SLC9A6: variants seen among roughly 807,000 people sequenced by gnomAD.
SLC9A6 encodes the protein solute carrier family 9 member A6, also known as sodium/hydrogen exchanger 6.
SLC9A6 carries 6 observed loss-of-function variants against 45.3 expected under a neutral mutation model. The observed-to-expected ratio is 0.13, with a 90% CI of 0.07 to 0.26. The LOEUF is 0.26. Ranked by LOEUF, SLC9A6 falls within the 10% of genes least tolerant of loss-of-function variation. The pLI is 1.00. For missense variants in SLC9A6, 278 were observed against 503.7 expected (o/e 0.55, Z 4.29); for synonymous variants, 191 against 187.7 (o/e 1.02, Z -0.14).
intron 10 of SLC9A6, among the ~76,000 whole-genome samples, chrX:136,014,696 C>T (rs916852182): frequency 1.8e-5 from 2 of 112,750 alleles, no homozygotes; most frequent in Admixed American, 9.3e-5. Context: ...ACCCGGAAGG[C>T]GGAGGTTGCA....
chrX:135,996,316 C>T (rs1460933238), intron 3 of SLC9A6, among the ~76,000 whole-genome samples: 1 of 110,933 alleles, frequency 9.0e-6, no homozygotes. Context: ...ACAGGCAGGA[C>T]TTGATTTTTA....
At chrX:135,975,016 T>C in intron 1 of SLC9A6, 1 of 201,757 alleles carries the variant, frequency 5.0e-6, no homozygotes. Context: ...CTTCTCCCCT[T>C]GACCTCATCA....
chrX:136,003,400 T>C (rs1016457736), intron 7 of SLC9A6, among the ~76,000 whole-genome samples: 8 of 112,774 alleles, frequency 7.1e-5, no homozygotes, highest in Admixed American at 1.9e-4. Context: ...TTTTTAAAGT[T>C]ACATACTGTC....
rs782633932 is a variant in SLC9A6, at chrX:136,012,927, T to G, written c.886-22T>G. 5.1e-5 allele frequency: 56 copies of G among 1,095,888 alleles called. No homozygotes were observed. The South Asian group carries it at 9.7e-4, about 19-fold the overall frequency. 90.3% of individuals were successfully genotyped at this position (1,095,888 alleles called of 1,213,427 possible). A position where few individuals can be genotyped will look rare whatever the true frequency, so the allele number is the denominator to read the frequency against. On this transcript the variant is annotated intron_variant, in intron 8 of 17. Transcript: ENST00000630721. The stretch of plus-strand genomic sequence containing the variant: ...CACACTTTTGTGTTACAAGATCTCA[T>G]TACTAGCCTTAACAGTCTTACGTGA...
intron 10 of SLC9A6, 80 bp downstream of exon 10, chrX:136,013,517 A>G (rs1556618928): frequency 1.5e-6 from 1 of 675,170 alleles, no homozygotes; most frequent in Non-Finnish European, 2.3e-6. Context: ...AAAAAAAAAA[A>G]TAGTCTTTGA....
intron 10 of SLC9A6, among the ~76,000 whole-genome samples, chrX:136,014,456 G>A (rs2070980933): frequency 8.9e-6 from 1 of 112,462 alleles, no homozygotes; most frequent in Non-Finnish European, 1.9e-5. Flanking sequence ...TTTCCAGGTC[G>A]TGGGAAGGGA....
At chrX:136,031,521 G>A (rs1218667685) in intron 15 of SLC9A6, among the ~76,000 whole-genome samples, 2 of 112,420 alleles carry the variant, frequency 1.8e-5, no homozygotes, top group Non-Finnish European at 3.8e-5. Flanking sequence ...CCAACATGGT[G>A]AAACCCTGTC....
chrX:136,002,343 G>C, intron 7 of SLC9A6, 130 bp downstream of exon 7: 1 of 512,010 alleles, frequency 2.0e-6, no homozygotes. Context: ...TTTCCCTCTT[G>C]AAGAAATCCA....
chrX:136,024,544 C>G, intron 13 of SLC9A6, 61 bp downstream of exon 13: 2 of 1,040,666 alleles, frequency 1.9e-6, no homozygotes, highest in Non-Finnish European at 2.7e-6. Context: ...ATTTTTCTGC[C>G]TGTTTTCAAT....
upstream of SLC9A6, among the ~76,000 whole-genome samples, chrX:135,980,313 A>G (rs1466537808): frequency 1.8e-5 from 2 of 109,920 alleles, no homozygotes; most frequent in African/African-American, 6.6e-5. Flanking sequence ...TCCCAGGTTC[A>G]AGTGATTCTC....
Position 136,013,383 on chromosome X carries a change from A to G in SLC9A6, c.1026A>G (p.Gln342=), listed in dbSNP as rs1556618901. The G allele has an allele frequency of 3.3e-6, 4 of 1,206,166 alleles. No homozygotes were observed. The South Asian group carries it at 5.3e-5, about 16-fold the overall frequency. The part of the protein sequence containing the change: ...VVAVLFCGIT[Q]AHYTYNNLST... ...CAGTATTGTTTTGTGGCATCACACA[A>G]GCACATTATACGTATAATAATTTGT... is the stretch of plus-strand genomic sequence containing the variant. Residue 342 remains glutamine, a synonymous_variant, in exon 10 of 18, where the codon CAA becomes CAG. Transcript: ENST00000630721.
intron 2 of SLC9A6, among the ~76,000 whole-genome samples, chrX:135,987,521 G>A (rs868934083): frequency 1.8e-5 from 2 of 110,850 alleles, no homozygotes; most frequent in South Asian, 7.5e-4. Context: ...GTATGATGTG[G>A]TAATTAAAGG....
upstream of SLC9A6, among the ~76,000 whole-genome samples, chrX:135,980,265 G>A (rs782312201): frequency 2.3e-3 from 250 of 108,753 alleles, no homozygotes; most frequent in African/African-American, 8.2e-3. Flanking sequence ...TCAGGCTGCA[G>A]TGCAGTGGTG....
At position 136,030,153 on chromosome X, in the gene SLC9A6, A is replaced by G. The variant is rs1556620943; in HGVS notation, c.1572A>G (p.Gln524=). Residue 524 remains glutamine (Q), a synonymous_variant, in exon 15 of 18, where the codon CAA becomes CAG. Coordinates refer to ENST00000630721, the MANE Select transcript of SLC9A6 (RefSeq NM_001379110.1). The stretch of plus-strand genomic sequence containing the variant: ...TTAGGGTTGGTGTTGATTCAGACCA[A>G]GAACACTTGGTAAATATGCGTTTTT... ...ETDRVGVDSD[Q]EHLGVPENER... 8.3e-7 allele frequency: 1 copy of G among 1,210,434 alleles called. No individual in the cohort carries two copies. Among genetic ancestry groups the G allele is most frequent in the Admixed American group, 2.2e-5 (1 of 46,112 alleles).
At chrX:136,001,361 A>G (rs900933612) in intron 6 of SLC9A6, among the ~76,000 whole-genome samples, 1 of 107,876 alleles carries the variant, frequency 9.3e-6, no homozygotes, top group African/African-American at 3.4e-5. Flanking sequence ...AAAAAAAACC[A>G]AAAGGCTCAC....
chrX:136,038,710 A>T (rs1368777964), intron 16 of SLC9A6, among the ~76,000 whole-genome samples: 4 of 109,964 alleles, frequency 3.6e-5, no homozygotes, highest in African/African-American at 1.3e-4. Flanking sequence ...TCATTAATAA[A>T]TACAGGACTA....
chrX:135,999,383 A>G (rs1234180895), intron 6 of SLC9A6, among the ~76,000 whole-genome samples: 1 of 111,758 alleles, frequency 8.9e-6, no homozygotes, highest in Non-Finnish European at 1.9e-5. Flanking sequence ...TTCAGTTTCT[A>G]TTCAGCTGTA....
intron 9 of SLC9A6, 39 bp from the exon 10 acceptor site, chrX:136,013,310 C>A (rs370726526): frequency 2.0e-5 from 21 of 1,052,969 alleles, no homozygotes; most frequent in Non-Finnish European, 2.7e-5. Context: ...AGGTGGGAAC[C>A]ATCCTTTTAT....
intron 2 of SLC9A6, among the ~76,000 whole-genome samples, chrX:135,990,797 A>T (rs781984013): frequency 3.0e-4 from 33 of 110,142 alleles, no homozygotes; most frequent in African/African-American, 8.6e-4. Flanking sequence ...TAAATAAAAT[A>T]AAAAAAAAGA....
Sources: gnomAD v4.1 joint callset for allele counts (sites outside exome capture counted in the v4.1 genomes callset) on GRCh38, gnomAD v4.1.1 for gene constraint, MANE v1.5 for transcripts, NCBI Gene and HGNC (gene_info 2026-07-23, HGNC 2026-07-21) for gene names.